Variants in TANK observed in about 807,000 individuals in gnomAD.
The protein encoded by TANK is TRAF family member-associated NF-kappa-B activator.
TANK carries 15 observed loss-of-function variants against 43.6 expected under a neutral mutation model. The observed-to-expected ratio is 0.34, with a 90% confidence interval of 0.23 to 0.53. The LOEUF is 0.53. TANK is among the 20% of genes least tolerant of loss of function. The pLI is 0.94. For synonymous variants in TANK, 162 were observed against 178.2 expected, an observed-to-expected ratio of 0.91 and a Z score of 0.73; for missense variants, 417 against 498.6, an observed-to-expected ratio of 0.84 and a Z score of 1.56.
intron 2 of TANK, among the ~76,000 whole-genome samples, chr2:161,202,484 A>G (rs1369084429): frequency 6.6e-6 from 1 of 152,142 alleles, no homozygotes; most frequent in African/African-American, 2.4e-5. Context: ...ATATTTGCTA[A>G]TCTATGAACA....
chr2:161,139,768 A>G (rs994506903), intron 1 of TANK: 22 of 985,318 alleles, frequency 2.2e-5, no homozygotes, highest in Admixed American at 1.8e-4. Context: ...AATGTGACAT[A>G]AGCCAAGTAA....
At chr2:161,201,329 A>G in intron 2 of TANK, 1 of 886,102 alleles carries the variant, frequency 1.1e-6, no homozygotes, top group Non-Finnish European at 1.4e-6. Flanking sequence ...GATGTGCTAA[A>G]GTATGTTTTT....
At chr2:161,185,649 G>A (rs575641252) in intron 2 of TANK, among the ~76,000 whole-genome samples, 2 of 146,108 alleles carry the variant, frequency 1.4e-5, no homozygotes, top group Non-Finnish European at 3.0e-5. Flanking sequence ...ACTCATAGGT[G>A]GGAATTGAAC....
chr2:161,231,662 A>T, intron 7 of TANK, 111 bp downstream of exon 7: 1 of 1,005,200 alleles, frequency 9.9e-7, no homozygotes, highest in South Asian at 1.5e-5. Context: ...TAAACTACTG[A>T]CAGCCAAAGT....
chr2:161,177,487 T>C (rs1375923569), intron 1 of TANK, among the ~76,000 whole-genome samples: 1 of 152,098 alleles, frequency 6.6e-6, no homozygotes. Flanking sequence ...GCTAACCTCA[T>C]GCAAAAGAAT....
At chr2:161,228,678 A>G (rs911770582) in intron 6 of TANK, among the ~76,000 whole-genome samples, 4 of 152,232 alleles carry the variant, frequency 2.6e-5, no homozygotes, top group Admixed American at 6.5e-5. Context: ...GTAATATCCT[A>G]GGCCTTCACA....
chr2:161,215,243 A>G (rs1365598668), intron 4 of TANK, among the ~76,000 whole-genome samples: 1 of 152,200 alleles, frequency 6.6e-6, no homozygotes, highest in African/African-American at 2.4e-5. Flanking sequence ...GAAAAAAATC[A>G]TATTGCCTTT....
chr2:161,165,076 T>C (rs1334396552), intron 1 of TANK, among the ~76,000 whole-genome samples: 2 of 147,774 alleles, frequency 1.4e-5, no homozygotes, highest in Admixed American at 6.8e-5. Context: ...AGGAAGGGTC[T>C]ACTGAAAATA....
chr2:161,201,312 A>G (rs769213386), intron 2 of TANK: 195 of 883,184 alleles, frequency 2.2e-4, no homozygotes, highest in Non-Finnish European at 2.6e-4. Flanking sequence ...GTAATATCTT[A>G]TATGCAGATG....
At chr2:161,186,883 A>G (rs1281266478) in intron 2 of TANK, among the ~76,000 whole-genome samples, 1 of 152,252 alleles carries the variant, frequency 6.6e-6, no homozygotes, top group Non-Finnish European at 1.5e-5. Context: ...TCTCAAAAGA[A>G]GACATGCAAA....
In TANK at chr2:161,186,601, T is replaced by C. The variant is rs1457969136; in HGVS notation, c.99+6840T>C. 3.9e-5 allele frequency among the ~76,000 whole-genome samples: 6 copies of C among 152,208 alleles called. No individual in the cohort carries two copies. In the East Asian group the frequency reaches 7.7e-4, roughly 20 times the overall value. ...ACTATGAAACTACTAGAAGAAAACA[T>C]TGGGGAAATGCTTTAGGACATCTGT... On this transcript the variant is annotated intron_variant, in intron 2 of 7. Coordinates refer to ENST00000392749, the MANE Select transcript of TANK (RefSeq NM_001199135.3).
chr2:161,144,195 C>T lies in TANK; in HGVS notation c.-50+7132C>T, dbSNP rs985914579. 2.0e-5 allele frequency among the ~76,000 whole-genome samples: 3 copies of T among 152,030 alleles called. No homozygotes were observed. In the East Asian group the frequency reaches 5.8e-4, roughly 29 times the overall value. ...TTTTTATTGTGTCTATTTGAGTCTT[C>T]TCTCGTTTCTTTTTTATTAGTCTAG... is the stretch of plus-strand genomic sequence containing the variant. On this transcript the variant is annotated intron_variant, in intron 1 of 7. Coordinates refer to the TANK transcript ENST00000259075.
chr2:161,234,169 C>T (rs756090979), intron 7 of TANK, among the ~76,000 whole-genome samples: 2 of 152,004 alleles, frequency 1.3e-5, no homozygotes, highest in East Asian at 1.9e-4. Flanking sequence ...ACAGTGATGT[C>T]GTGAAATCCA....
chr2:161,158,718 T>C (rs1457970865), upstream of TANK, among the ~76,000 whole-genome samples: 2 of 152,168 alleles, frequency 1.3e-5, no homozygotes, highest in Non-Finnish European at 2.9e-5. Context: ...TTCATCAAAA[T>C]TAAGAATTTC....
At chr2:161,200,026 T>G (rs1189388074) in intron 2 of TANK, among the ~76,000 whole-genome samples, 1 of 152,178 alleles carries the variant, frequency 6.6e-6, no homozygotes, top group Non-Finnish European at 1.5e-5. Context: ...GAAGCCAGAG[T>G]CATCTTGGCC....
upstream of TANK, chr2:161,160,378 G>A: frequency 1.2e-5 from 15 of 1,213,110 alleles, no homozygotes; most frequent in Non-Finnish European, 1.5e-5. Flanking sequence ...GGCTCCGCGC[G>A]CAGGCACTGC....
intron 7 of TANK, among the ~76,000 whole-genome samples, chr2:161,231,857 TTAA>T (rs1687925509): frequency 6.6e-6 from 1 of 152,238 alleles, no homozygotes; most frequent in African/African-American, 2.4e-5. Context: ...TTACTCAGGA[TTAA>T]TAAGAATATT....
chr2:161,202,758 A>C (rs969111735), intron 2 of TANK: 1 of 396,194 alleles, frequency 2.5e-6, no homozygotes, highest in Non-Finnish European at 5.1e-6. Flanking sequence ...AGACTGTACT[A>C]ATTTGGTAAT....
Position 161,212,377 on chromosome 2 carries a change from A to G in TANK, c.327+7584A>G, listed in dbSNP as rs971996128. ...TGCCTGGCTGATACACAAACTCTTAAGAAAACAAATATTGATATCCAAAAC... is the reference window on the plus strand; with the variant it reads ...TGCCTGGCTGATACACAAACTCTTAGGAAAACAAATATTGATATCCAAAAC... On this transcript the variant is annotated intron_variant, in intron 4 of 7. Coordinates refer to ENST00000392749, the MANE Select transcript of TANK (RefSeq NM_001199135.3). 51 of 984,690 alleles carry G rather than the reference A, an allele frequency of 5.2e-5. No homozygotes were observed. The African/African-American group carries it at 8.4e-4, about 16-fold the overall frequency. 61.0% of individuals were successfully genotyped at this position (984,690 alleles called of 1,614,324 possible). A position where few individuals can be genotyped will look rare whatever the true frequency, so the allele number is the denominator to read the frequency against.
Sources: allele counts gnomAD v4.1 joint callset (sites outside exome capture counted in the v4.1 genomes callset), GRCh38; gene constraint gnomAD v4.1.1; transcripts MANE v1.5; gene names NCBI Gene and HGNC (gene_info 2026-07-23, HGNC 2026-07-21).